ABCA3: variants seen among roughly 807,000 people sequenced by gnomAD.
ABCA3 encodes phospholipid-transporting ATPase ABCA3.
A neutral mutation model predicts 172.8 loss-of-function variants in ABCA3; 88 were observed. The observed-to-expected ratio is 0.51, with a 90% CI of 0.43 to 0.61. The LOEUF is 0.61. Ranked by LOEUF, ABCA3 falls within the 20% of genes least tolerant of loss-of-function variation. ABCA3 has a pLI of 0.00. For missense variants in ABCA3, 2,164 were observed against 2,301.0 expected (o/e 0.94, Z 1.22); for synonymous variants, 1,066 against 983.8 (o/e 1.08, Z -1.56).
intron 11 of ABCA3, among the ~76,000 whole-genome samples, chr16:2,306,064 C>A (rs2093697170): frequency 6.6e-6 from 1 of 152,118 alleles, no homozygotes; most frequent in Admixed American, 6.6e-5. Context: ...TAATAACATT[C>A]ACTCTAGCTG....
chr16:2,281,494 G>A lies in ABCA3; in HGVS notation c.4051C>T (p.Arg1351Trp), dbSNP rs776976292. The A allele has an allele frequency of 8.1e-6, 13 of 1,613,320 alleles. No homozygotes were observed. The highest frequency in any genetic ancestry group is 3.3e-5 in the South Asian group (3 of 91,080). Residue 1351 changes from arginine to tryptophan, a missense_variant, in exon 27 of 33, where the codon CGG becomes TGG. By Grantham distance (101) the Arg-to-Trp change is moderately radical. Coordinates refer to ENST00000301732, the MANE Select transcript of ABCA3 (RefSeq NM_001089.3). The surrounding 1 kb of genome is among the most constrained non-coding windows in gnomAD (Gnocchi z 4.7). ...RRRTLTELYT[R>W]MPVLPEDQDV... The stretch of plus-strand genomic sequence containing the variant: ...TGGTCCTCAGGAAGCACAGGCATCC[G>A]GGTGTATAATTCTGTCTGATTGACC...
rs879019462 is a variant in ABCA3 at position 2,281,323 on chromosome 16, TG to T, written c.4164+57del. On this transcript the variant is annotated intron_variant, in intron 27 of 32. Coordinates refer to ENST00000301732, the MANE Select transcript of ABCA3 (RefSeq NM_001089.3). The surrounding 1 kb of genome is among the most constrained non-coding windows in gnomAD (Gnocchi z 4.7). ...AGCTTCCAGGGATGGGGTCGGACCC[TG>T]GGGACAGCCAGGTAGTCAGCTGGCA... The T allele has an allele frequency of 3.6e-5, 58 of 1,613,288 alleles. No homozygotes were observed. The South Asian group carries it at 6.3e-4, about 17-fold the overall frequency.
intron 2 of ABCA3, among the ~76,000 whole-genome samples, chr16:2,329,429 G>A (rs368651669): frequency 1.3e-5 from 2 of 152,142 alleles, no homozygotes; most frequent in African/African-American, 2.4e-5. Flanking sequence ...TGAGATGAAC[G>A]TTCTGCCTCT....
At chr16:2,311,838 G>A (rs1196340126) in intron 10 of ABCA3, among the ~76,000 whole-genome samples, 1 of 151,958 alleles carries the variant, frequency 6.6e-6, no homozygotes, top group Non-Finnish European at 1.5e-5. Flanking sequence ...TGTATTTTTA[G>A]TAGAGACAGG....
chr16:2,325,980 C>A, intron 5 of ABCA3, 30 bp downstream of exon 5: 1 of 1,611,552 alleles, frequency 6.2e-7, no homozygotes, highest in Non-Finnish European at 8.5e-7. Context: ...CACCACTAGG[C>A]CTGGCACCGA....
intron 12 of ABCA3, among the ~76,000 whole-genome samples, chr16:2,301,436 G>A (rs933332665): frequency 6.6e-6 from 1 of 152,172 alleles, no homozygotes; most frequent in African/African-American, 2.4e-5. Context: ...GCTGGAGGTG[G>A]TGGCTCACGC....
At chr16:2,330,321 T>C (rs2093741129) in intron 1 of ABCA3, among the ~76,000 whole-genome samples, 1 of 112,926 alleles carries the variant, frequency 8.9e-6, no homozygotes, top group African/African-American at 9.3e-5. Context: ...TAAGCTCTAT[T>C]TTTTTTTTTT....
intron 1 of ABCA3, among the ~76,000 whole-genome samples, chr16:2,335,601 C>G (rs2093750499): frequency 6.6e-6 from 1 of 152,132 alleles, no homozygotes; most frequent in African/African-American, 2.4e-5. Flanking sequence ...TTGGACAGAC[C>G]CTGGTGTTCA....
Position 2,317,393 on chromosome 16 carries a change from T to C in ABCA3, c.1001A>G (p.Asn334Ser), listed in dbSNP as rs1440978264. 6.2e-7 allele frequency: 1 copy of C among 1,613,382 alleles called. No homozygotes were observed. The highest frequency in any genetic ancestry group is 8.5e-7 in the Non-Finnish European group (1 of 1,179,850). ...TLLFCVKVKP[N>S]VAVLSRSDPS... The stretch of plus-strand genomic sequence containing the variant: ...GTCGCTGCGGGACAGCACGGCTACA[T>C]TTGGCTTCACCTGCAGGGCACAGGC... The change falls in exon 10 of 33, where the codon AAT becomes AGT. Residue 334 changes from asparagine (N) to serine (S), a missense_variant. Asn to Ser is a conservative substitution (Grantham distance 46, BLOSUM62 1). Around this residue, in one of 3 missense-constraint regions of ABCA3, gnomAD observed 1,343 missense variants for 1,369.6 expected, o/e 0.98. Coordinates refer to ENST00000301732, the MANE Select transcript of ABCA3 (RefSeq NM_001089.3).
intron 10 of ABCA3, among the ~76,000 whole-genome samples, chr16:2,312,391 G>A (rs1258400697): frequency 6.6e-6 from 1 of 152,014 alleles, no homozygotes; most frequent in Non-Finnish European, 1.5e-5. Flanking sequence ...ATAATCCATG[G>A]TTCAGTACAA....
intron 1 of ABCA3, among the ~76,000 whole-genome samples, chr16:2,331,217 C>CTT (rs199896760): frequency 1.3e-5 from 2 of 151,784 alleles, no homozygotes; most frequent in Admixed American, 1.3e-4. Flanking sequence ...CTTTTCTTTT[C>CTT]TTTTCTTTTT....
Position 2,287,047 on chromosome 16 carries a change from A to G in ABCA3, c.3005-80T>C. On this transcript the variant is annotated intron_variant, in intron 21 of 32. Transcript: ENST00000301732. This position sits in a 1 kb window ranked among gnomAD's most constrained non-coding sequence, Gnocchi z 4.1. ...CCCTGCCACCTGAGCATGGCTAATC[A>G]GGGACCCAATAGAGTGGTGCCAGCA... 1.3e-6 allele frequency: 2 copies of G among 1,512,800 alleles called. No individual in the cohort carries two copies. The highest frequency in any genetic ancestry group is 1.8e-6 in the Non-Finnish European group (2 of 1,113,480). 93.7% of individuals were successfully genotyped at this position (1,512,800 alleles called of 1,614,324 possible).
Position 2,285,746 on chromosome 16 carries a change from A to G in ABCA3, c.3279-100T>C, listed in dbSNP as rs912959377. On this transcript the variant is annotated intron_variant, in intron 22 of 32. Coordinates refer to ENST00000301732, the MANE Select transcript of ABCA3 (RefSeq NM_001089.3). This position sits in a 1 kb window ranked among gnomAD's most constrained non-coding sequence, Gnocchi z 4.7. ...GACCGCCCAAGGCATGCAGGGCAGC[A>G]GCCCAACCACTAAAGGGGCTTATGG... The G allele has an allele frequency of 1.2e-5, 14 of 1,174,922 alleles. No individual in the cohort carries two copies. The South Asian group carries it at 1.7e-4, about 14-fold the overall frequency. 72.8% of individuals were successfully genotyped at this position (1,174,922 alleles called of 1,614,324 possible).
chr16:2,280,497 G>C (rs1474020162), intron 28 of ABCA3, among the ~76,000 whole-genome samples: 1 of 152,230 alleles, frequency 6.6e-6, no homozygotes, highest in Admixed American at 6.5e-5. Flanking sequence ...GGCACCCCTG[G>C]TGTGAGCTCA....
intron 5 of ABCA3, 74 bp downstream of exon 5, chr16:2,325,936 G>A: frequency 5.6e-6 from 9 of 1,600,284 alleles, no homozygotes; most frequent in Non-Finnish European, 7.7e-6. Flanking sequence ...CGCACATCCT[G>A]GGCTCGACCC....
intron 7 of ABCA3, among the ~76,000 whole-genome samples, chr16:2,320,471 C>T (rs1211428350): frequency 4.0e-5 from 6 of 151,246 alleles, no homozygotes; most frequent in African/African-American, 1.2e-4. Context: ...CTCACTGCAA[C>T]GTCTGCCTCC....
At position 2,316,490 on chromosome 16, in the gene ABCA3, C is replaced by CAAAAAAAAAAAAAAAAAAAAAAAAA. The variant is rs71148128; in HGVS notation, c.1111+768_1111+792dup. 6.9e-5 allele frequency among the ~76,000 whole-genome samples: 2 copies of CAAAAAAAAAAAAAAAAAAAAAAAAA among 28,874 alleles called. 1 individual carries two copies. Among genetic ancestry groups the CAAAAAAAAAAAAAAAAAAAAAAAAA allele is most frequent in the Non-Finnish European group, 1.5e-4 (2 of 13,002 alleles). The allele number at this position is 28,874 out of a possible 152,430, so 18.9% of individuals were successfully genotyped here. A position where few individuals can be genotyped will look rare whatever the true frequency, so the allele number is the denominator to read the frequency against. ...CAAAACCCCGTCTCTACTAAAAATG[C>CAAAAAAAAAAAAAAAAAAAAAAAAA]AAAAAAAAAAAAAAAAAAAAAAAAA... On this transcript the variant is annotated intron_variant, in intron 10 of 32. Transcript: ENST00000301732.
In ABCA3 at chr16:2,284,283, T is replaced by G. The variant is rs528994130; in HGVS notation, c.3858A>C (p.Lys1286Asn). Residue 1286 changes from lysine (K) to asparagine (N), a missense_variant, in exon 25 of 33, where the codon AAA becomes AAC. Physicochemically the swap from Lys to Asn is moderately conservative, Grantham distance 94 (BLOSUM62 0). Around this residue, in one of 3 missense-constraint regions of ABCA3, gnomAD observed 795 missense variants for 881.9 expected, o/e 0.90. Transcript: ENST00000301732. The surrounding 1 kb of genome is among the most constrained non-coding windows in gnomAD (Gnocchi z 5.9). The stretch of plus-strand genomic sequence containing the variant: ...GGTCGGGGCTGGGACACTCACTATA[T>G]TTCTTGCAGTAGTGGGCGGCGACCT... ...SSEVAAHYCKKYNIQYQENFY... is the reference protein window; with the variant it reads ...SSEVAAHYCKNYNIQYQENFY... The G allele has an allele frequency of 1.2e-6, 2 of 1,613,322 alleles. No individual in the cohort carries two copies. Among genetic ancestry groups the G allele is most frequent in the South Asian group, 2.2e-5 (2 of 91,078 alleles).
At position 2,278,198 on chromosome 16, in the gene ABCA3, A is replaced by G; in HGVS notation, c.4718+90T>C. 3 of 1,597,854 alleles carry G rather than the reference A, an allele frequency of 1.9e-6. No individual in the cohort carries two copies. The highest frequency in any genetic ancestry group is 2.6e-6 in the Non-Finnish European group (3 of 1,176,238). Reference sequence around the variant, plus strand: ...AGTGTGGCTCACGGGCAGACTCTGCACCAGATGCTGATGGGTCTCCTGGCC... The same window carrying G: ...AGTGTGGCTCACGGGCAGACTCTGCGCCAGATGCTGATGGGTCTCCTGGCC... On this transcript the variant is annotated intron_variant, in intron 30 of 32. Coordinates refer to ENST00000301732, the MANE Select transcript of ABCA3 (RefSeq NM_001089.3). This position sits in a 1 kb window ranked among gnomAD's most constrained non-coding sequence, Gnocchi z 4.4.
Sources: allele counts gnomAD v4.1 joint callset (sites outside exome capture counted in the v4.1 genomes callset), GRCh38; gene constraint gnomAD v4.1.1; regional missense constraint gnomAD v4.1.1; non-coding constraint Gnocchi (gnomAD v3.1); transcripts MANE v1.5; gene names NCBI Gene and HGNC (gene_info 2026-07-23, HGNC 2026-07-21).